The following GPC5 variants were observed in gnomAD, a reference collection of about 807,000 sequenced individuals.
GPC5 encodes glypican 5, also known as glypican-5.
A neutral mutation model predicts 53.9 loss-of-function variants in GPC5; 47 were observed. The observed-to-expected ratio is 0.87, with a 90% CI of 0.69 to 1.11. The LOEUF (loss-of-function observed/expected upper bound fraction) is 1.11, where lower values mean the gene tolerates loss of function less well. Ranked by LOEUF, GPC5 falls within the 50% of genes most tolerant of loss-of-function variation. The pLI is 0.00. For missense variants in GPC5, 748 were observed against 713.1 expected, an observed-to-expected ratio of 1.05 and a Z score of -0.56; for synonymous variants, 286 against 263.3, an observed-to-expected ratio of 1.09 and a Z score of -0.84.
At chr13:91,956,025 A>G (rs2139067167) in intron 6 of GPC5, among the ~76,000 whole-genome samples, 1 of 152,212 alleles carries the variant, frequency 6.6e-6, no homozygotes, top group South Asian at 2.1e-4. Flanking sequence ...ACTGAAAGCC[A>G]ACCACCCTCC....
At chr13:91,571,824 T>TACACACAC (rs2031822552) in intron 2 of GPC5, among the ~76,000 whole-genome samples, 8 of 82,082 alleles carry the variant, frequency 9.7e-5, no homozygotes, top group African/African-American at 4.4e-4. Flanking sequence ...CGTGTGTGTA[T>TACACACAC]ATATACACAT....
chr13:91,568,768 T>G (rs906559196), intron 2 of GPC5, among the ~76,000 whole-genome samples: 4 of 151,358 alleles, frequency 2.6e-5, no homozygotes, highest in African/African-American at 9.7e-5. Flanking sequence ...CTTTTTTTTT[T>G]TTTTCAGAAG....
chr13:92,332,530 G>A (rs2043295286), intron 7 of GPC5, among the ~76,000 whole-genome samples: 1 of 152,138 alleles, frequency 6.6e-6, no homozygotes, highest in Non-Finnish European at 1.5e-5. Context: ...TAAAACTGGA[G>A]TTATGGGAAC....
chr13:92,309,527 C>T (rs1349511059), intron 7 of GPC5, among the ~76,000 whole-genome samples: 1 of 151,908 alleles, frequency 6.6e-6, no homozygotes, highest in Non-Finnish European at 1.5e-5. Flanking sequence ...GTTCATTTTG[C>T]TTATTGGTTG....
At chr13:91,904,680 G>T (rs528836351) in intron 5 of GPC5, among the ~76,000 whole-genome samples, 1 of 152,088 alleles carries the variant, frequency 6.6e-6, no homozygotes, top group South Asian at 2.1e-4. Context: ...ATGTTAAAAA[G>T]GGGTTAAACA....
chr13:92,421,698 C>CAAAAAAAAAAAAAAAAAAAAAAAAAAA lies in GPC5; in HGVS notation c.1561+276731_1561+276732insAAAAAAAAAAAAAAAAAAAAAAAAAAA, dbSNP rs34055682. Reference sequence around the variant, plus strand: ...TGTGCCACAGAGCAAGACTCCGTCTCAAAAAAAAAAAAAAAAAAAAAAGTT... The same window carrying CAAAAAAAAAAAAAAAAAAAAAAAAAAA: ...TGTGCCACAGAGCAAGACTCCGTCTCAAAAAAAAAAAAAAAAAAAAAAAAAAAAAAAAAAAAAAAAAAAAAAAAAGTT... On this transcript the variant is annotated intron_variant, in intron 7 of 7. Transcript: ENST00000377067. Among the ~76,000 whole-genome samples, 4 of 69,482 alleles carry CAAAAAAAAAAAAAAAAAAAAAAAAAAA rather than the reference C, an allele frequency of 5.8e-5. No homozygotes were observed. In the Admixed American group the frequency reaches 5.9e-4, roughly 10 times the overall value. The allele number at this position is 69,482 out of a possible 152,430, so 45.6% of individuals were successfully genotyped here. A position where few individuals can be genotyped will look rare whatever the true frequency, so the allele number is the denominator to read the frequency against.
At chr13:92,242,099 G>A (rs2042616604) in intron 7 of GPC5, 1 of 152,246 alleles carries the variant, frequency 6.6e-6, no homozygotes, top group African/African-American at 2.4e-5. Context: ...CAGGCGTGGT[G>A]GCAGGCACCT....
intron 7 of GPC5, among the ~76,000 whole-genome samples, chr13:92,744,125 A>G (rs1471701178): frequency 6.6e-6 from 1 of 152,094 alleles, no homozygotes; most frequent in East Asian, 1.9e-4. Flanking sequence ...TGGCAGTGAG[A>G]TAGAAAGTAG....
chr13:91,673,498 C>T (rs1025267733), intron 2 of GPC5, among the ~76,000 whole-genome samples: 6 of 152,020 alleles, frequency 3.9e-5, no homozygotes, highest in African/African-American at 1.4e-4. Context: ...ATATTAAAAA[C>T]AGCTCAGAGG....
intron 7 of GPC5, among the ~76,000 whole-genome samples, chr13:92,722,975 A>G (rs537528518): frequency 2.0e-5 from 3 of 151,818 alleles, no homozygotes; most frequent in Non-Finnish European, 4.4e-5. Flanking sequence ...AAGCCAAAAA[A>G]TTATGTACTT....
intron 7 of GPC5, among the ~76,000 whole-genome samples, chr13:92,663,114 T>A (rs1409058309): frequency 6.6e-6 from 1 of 152,140 alleles, no homozygotes; most frequent in African/African-American, 2.4e-5. Context: ...TCCTGTGAGA[T>A]GAGGAAAGAA....
intron 7 of GPC5, among the ~76,000 whole-genome samples, chr13:92,418,651 A>T (rs1252693034): frequency 6.6e-6 from 1 of 152,184 alleles, no homozygotes; most frequent in Non-Finnish European, 1.5e-5. Context: ...CTTTAGCTTG[A>T]TGGCATAGTG....
chr13:92,533,426 GA>G (rs1166484292), intron 7 of GPC5, among the ~76,000 whole-genome samples: 1 of 152,016 alleles, frequency 6.6e-6, no homozygotes, highest in Non-Finnish European at 1.5e-5. Flanking sequence ...TTTATAATGG[GA>G]ATATTCATTT....
chr13:92,710,392 TAAAAGAA>T (rs964258157), intron 7 of GPC5, among the ~76,000 whole-genome samples: 1 of 151,934 alleles, frequency 6.6e-6, no homozygotes, highest in Admixed American at 6.6e-5. Flanking sequence ...GGAATGGAAA[TAAAAGAA>T]AAAAAGTTTT....
intron 7 of GPC5, among the ~76,000 whole-genome samples, chr13:92,555,929 A>G (rs1450238378): frequency 2.0e-5 from 3 of 151,568 alleles, no homozygotes; most frequent in Non-Finnish European, 4.4e-5. Flanking sequence ...TAAGTAGGAA[A>G]TGTATTTCAT....
chr13:91,573,454 C>A (rs773579078), intron 2 of GPC5, among the ~76,000 whole-genome samples: 14 of 152,058 alleles, frequency 9.2e-5, no homozygotes, highest in Non-Finnish European at 1.8e-4. Context: ...TGATCCTATG[C>A]GTATTACAAA....
At chr13:92,452,415 A>C (rs1359542865) in intron 7 of GPC5, among the ~76,000 whole-genome samples, 4 of 152,200 alleles carry the variant, frequency 2.6e-5, no homozygotes, top group African/African-American at 9.7e-5. Context: ...GTAGAATAAA[A>C]ATACATTAAT....
intron 7 of GPC5, among the ~76,000 whole-genome samples, chr13:92,257,867 A>G (rs1252380697): frequency 6.6e-5 from 10 of 151,996 alleles, no homozygotes; most frequent in Non-Finnish European, 1.2e-4. Context: ...GTGTTTAGAT[A>G]AGAGTCCTTT....
intron 7 of GPC5, among the ~76,000 whole-genome samples, chr13:92,284,633 A>T (rs1394119386): frequency 6.6e-6 from 1 of 152,230 alleles, no homozygotes; most frequent in Admixed American, 6.5e-5. Context: ...AGAACCAAAG[A>T]CAAAAAACAC....
Sources: gnomAD v4.1 joint callset for allele counts (sites outside exome capture counted in the v4.1 genomes callset) on GRCh38, gnomAD v4.1.1 for gene constraint, MANE v1.5 for transcripts, NCBI Gene and HGNC (gene_info 2026-07-23, HGNC 2026-07-21) for gene names.